The following CFDP1 variants were observed in gnomAD, a reference collection of about 807,000 sequenced individuals.
The protein encoded by CFDP1 is heterochromatin-stabilizing protein CFDP1.
Under a neutral mutation model 40.1 loss-of-function variants are expected in CFDP1, and 31 were observed. That is an observed-to-expected ratio of 0.77 (90% CI 0.58 to 1.04). CFDP1 has a LOEUF of 1.04. CFDP1 is among the 50% of genes least tolerant of loss of function. The pLI is 0.00. For synonymous variants in CFDP1, 167 were observed against 120.0 expected, an observed-to-expected ratio of 1.39 and a Z score of -2.56; for missense variants, 423 against 343.4, an observed-to-expected ratio of 1.23 and a Z score of -1.83.
At chr16:75,346,043 C>T (rs946276625) in intron 5 of CFDP1, among the ~76,000 whole-genome samples, 2 of 152,214 alleles carry the variant, frequency 1.3e-5, no homozygotes, top group Non-Finnish European at 1.5e-5. Context: ...GTGAGCAACA[C>T]GGAACAATGG....
chr16:75,298,774 C>T (rs1217242605), intron 6 of CFDP1, among the ~76,000 whole-genome samples: 2 of 152,176 alleles, frequency 1.3e-5, no homozygotes, highest in Non-Finnish European at 2.9e-5. Flanking sequence ...AATTAAGTTT[C>T]TTCTCCACTG....
At chr16:75,323,737 C>A (rs2078382895) in intron 5 of CFDP1, among the ~76,000 whole-genome samples, 1 of 151,468 alleles carries the variant, frequency 6.6e-6, no homozygotes, top group African/African-American at 2.4e-5. Context: ...CGAGATCGTG[C>A]CATTGCACTC....
chr16:75,360,562 G>C (rs1160353942), intron 5 of CFDP1, among the ~76,000 whole-genome samples: 1 of 152,176 alleles, frequency 6.6e-6, no homozygotes, highest in African/African-American at 2.4e-5. Flanking sequence ...CCCCCAATGG[G>C]AGCATAAGTT....
At chr16:75,395,326 C>A in intron 4 of CFDP1, 117 bp from the exon 5 acceptor site, 1 of 1,062,732 alleles carries the variant, frequency 9.4e-7, no homozygotes, top group Admixed American at 2.5e-5. Flanking sequence ...AAATTCTGGA[C>A]GCTCAGCATT....
chr16:75,359,567 G>GATTT (rs376901534), intron 5 of CFDP1, among the ~76,000 whole-genome samples: 3 of 152,262 alleles, frequency 2.0e-5, no homozygotes, highest in African/African-American at 7.2e-5. Context: ...TCATGCCTTG[G>GATTT]ATTTGCCAAA....
At position 75,305,003 on chromosome 16, in the gene CFDP1, A is replaced by C. The variant is rs75278406; in HGVS notation, c.809+21T>G. On this transcript the variant is annotated intron_variant, in intron 6 of 6. Transcript: ENST00000283882. The stretch of plus-strand genomic sequence containing the variant: ...CAGGGTTCTGAGGATTTTCCAAGGC[A>C]TAAAACCTACTCCTTCTTACCCCTC... 5 of 1,611,920 alleles carry C rather than the reference A, an allele frequency of 3.1e-6. 1 individual carries two copies. In the Admixed American group the frequency reaches 8.4e-5, roughly 27 times the overall value.
chr16:75,427,069 C>T (rs1397699831), intron 1 of CFDP1, among the ~76,000 whole-genome samples: 1 of 148,118 alleles, frequency 6.8e-6, no homozygotes. Context: ...AAAAACAAAA[C>T]AAATATCTGA....
intron 4 of CFDP1, among the ~76,000 whole-genome samples, chr16:75,404,193 A>T (rs949247589): frequency 6.6e-6 from 1 of 151,742 alleles, no homozygotes; most frequent in African/African-American, 2.4e-5. Flanking sequence ...ATTACCAAGG[A>T]AAAGGTTGCC....
chr16:75,311,763 C>G (rs1211786423), intron 5 of CFDP1, among the ~76,000 whole-genome samples: 1 of 134,666 alleles, frequency 7.4e-6, no homozygotes, highest in African/African-American at 2.7e-5. Flanking sequence ...AGGAATGGAC[C>G]TTTACAATTT....
At chr16:75,342,548 C>A (rs374676563) in intron 5 of CFDP1, among the ~76,000 whole-genome samples, 2 of 152,194 alleles carry the variant, frequency 1.3e-5, no homozygotes, top group Admixed American at 6.5e-5. Flanking sequence ...CTTCCCACCC[C>A]TAATGGTAGC....
At chr16:75,406,235 G>A (rs12924920) in intron 4 of CFDP1, among the ~76,000 whole-genome samples, 78,753 of 151,818 alleles carry the variant, frequency 0.52, 21,484 homozygotes, top group Admixed American at 0.64. Context: ...AATTAGCTAG[G>A]CATGGGTGAC....
At chr16:75,412,051 T>C (rs921570509) in intron 3 of CFDP1, 99 bp from the exon 4 acceptor site, 2 of 1,263,282 alleles carry the variant, frequency 1.6e-6, no homozygotes, top group South Asian at 1.6e-5. Context: ...CGTCTCACTC[T>C]GTAGCCCAAG....
chr16:75,404,635 A>G (rs1293269969), intron 4 of CFDP1, among the ~76,000 whole-genome samples: 2 of 152,150 alleles, frequency 1.3e-5, no homozygotes, highest in Non-Finnish European at 2.9e-5. Flanking sequence ...AATTAATGTG[A>G]AGCTCATCAT....
chr16:75,389,949 T>G (rs904275261), intron 5 of CFDP1, among the ~76,000 whole-genome samples: 4 of 152,208 alleles, frequency 2.6e-5, no homozygotes, highest in African/African-American at 9.6e-5. Flanking sequence ...TCATTCTGGA[T>G]CTACTCAGAA....
intron 5 of CFDP1, chr16:75,372,204 T>C (rs1024843455): frequency 6.6e-6 from 1 of 152,176 alleles, no homozygotes; most frequent in Non-Finnish European, 1.5e-5. Context: ...TCCAAAGTAA[T>C]AGCTATAAGA....
intron 5 of CFDP1, among the ~76,000 whole-genome samples, chr16:75,316,493 C>A (rs2078323770): frequency 6.8e-6 from 1 of 147,290 alleles, no homozygotes; most frequent in South Asian, 2.1e-4. Flanking sequence ...TCGCTTACGC[C>A]TAGGAGTTCA....
chr16:75,420,845 T>G (rs1259948668), intron 1 of CFDP1, among the ~76,000 whole-genome samples: 1 of 152,182 alleles, frequency 6.6e-6, no homozygotes, highest in Non-Finnish European at 1.5e-5. Context: ...TTCAACTATT[T>G]TTTTTATTTT....
chr16:75,397,147 C>A (rs924243295), intron 4 of CFDP1, among the ~76,000 whole-genome samples: 5 of 151,778 alleles, frequency 3.3e-5, no homozygotes, highest in Admixed American at 3.3e-4. Context: ...ATCTCCTGAC[C>A]TTGTGATCTG....
At chr16:75,421,212 G>C (rs904381809) in intron 1 of CFDP1, among the ~76,000 whole-genome samples, 7 of 152,162 alleles carry the variant, frequency 4.6e-5, no homozygotes, top group African/African-American at 1.7e-4. Flanking sequence ...AGGAAGCACA[G>C]CAGCAGGAAC....
Sources: gnomAD v4.1 joint callset for allele counts (sites outside exome capture counted in the v4.1 genomes callset) on GRCh38, gnomAD v4.1.1 for gene constraint, MANE v1.5 for transcripts, NCBI Gene and HGNC (gene_info 2026-07-23, HGNC 2026-07-21) for gene names.